The following KCND3 variants were observed in gnomAD, a reference collection of about 807,000 sequenced individuals.
KCND3 encodes the protein potassium voltage-gated channel subfamily D member 3.
In KCND3, 9 loss-of-function variants were observed where a neutral mutation model predicts 51.1. That is an observed-to-expected ratio of 0.18 (90% CI 0.11 to 0.31). The LOEUF (loss-of-function observed/expected upper bound fraction) is 0.31, where lower values mean the gene tolerates loss of function less well. Ranked by LOEUF, KCND3 falls within the 10% of genes least tolerant of loss-of-function variation. The probability of loss-of-function intolerance (pLI) is 1.00; values close to 1 mark genes in which losing one functional copy is unlikely to be tolerated. For missense variants in KCND3, 526 were observed against 903.8 expected (o/e 0.58, Z 5.36); for synonymous variants, 349 against 368.0 (o/e 0.95, Z 0.59).
Position 111,808,503 on chromosome 1 carries a change from G to A in KCND3, c.1107-21397C>T, listed in dbSNP as rs372657395. On this transcript the variant is annotated intron_variant, in intron 2 of 7. Transcript: ENST00000302127. ...GCTTGCTTATGAGAGGTATTGCTCC[G>A]AGGAAAAGGAGTTAGTTGAATTCCA... Among the ~76,000 whole-genome samples the A allele has an allele frequency of 3.1e-4, 47 of 152,332 alleles. No homozygotes were observed. The South Asian group carries it at 9.1e-3, about 30-fold the overall frequency.
At chr1:111,794,066 T>C (rs1010081544) in intron 2 of KCND3, among the ~76,000 whole-genome samples, 1 of 152,024 alleles carries the variant, frequency 6.6e-6, no homozygotes, top group Non-Finnish European at 1.5e-5. Context: ...GCTGTCGCCC[T>C]GAGCAGGTGG....
In KCND3 at chr1:111,972,314, A is replaced by C. The variant is rs1425703633; in HGVS notation, c.1106+9307T>G. On this transcript the variant is annotated intron_variant, in intron 2 of 7. Coordinates refer to ENST00000302127, the MANE Select transcript of KCND3 (RefSeq NM_001378969.1). ...CAGCCTCCCAAGTAGCTGGGACTAC[A>C]GGCGCCCGCCACTACGCCCGGCTAA... Among the ~76,000 whole-genome samples, 52 of 150,124 alleles carry C rather than the reference A, an allele frequency of 3.5e-4. 1 individual carries two copies. Among genetic ancestry groups the C allele is most frequent in the African/African-American group, 1.2e-3 (51 of 40,944 alleles).
At chr1:111,868,079 T>C (rs1301191055) in intron 2 of KCND3, among the ~76,000 whole-genome samples, 3 of 152,208 alleles carry the variant, frequency 2.0e-5, no homozygotes, top group African/African-American at 7.2e-5. Context: ...GTGGTTGCTA[T>C]TACAGTAGTC....
At position 111,861,348 on chromosome 1, in the gene KCND3, A is replaced by G. The variant is rs903342898; in HGVS notation, c.1107-74242T>C. On this transcript the variant is annotated intron_variant, in intron 2 of 7. Coordinates refer to ENST00000302127, the MANE Select transcript of KCND3 (RefSeq NM_001378969.1). ...ATGTGCTCTAACTTCAGGCTGAGAG[A>G]TTGAGGCACATAGAGGTACTTTATG... 5.9e-5 allele frequency among the ~76,000 whole-genome samples: 9 copies of G among 152,004 alleles called. No individual in the cohort carries two copies. The South Asian group carries it at 1.7e-3, about 28-fold the overall frequency.
At chr1:111,846,626 A>G (rs1000020708) in intron 2 of KCND3, among the ~76,000 whole-genome samples, 5 of 152,186 alleles carry the variant, frequency 3.3e-5, no homozygotes, top group African/African-American at 1.2e-4. Context: ...TAAGGTTCTC[A>G]CGAGGATTAT....
intron 2 of KCND3, among the ~76,000 whole-genome samples, chr1:111,971,730 GCT>G (rs1674340325): frequency 6.6e-6 from 1 of 152,094 alleles, no homozygotes; most frequent in Non-Finnish European, 1.5e-5. Flanking sequence ...AAGCTCACTG[GCT>G]CTGTCTTCCC....
chr1:111,809,963 C>A (rs190543132), intron 2 of KCND3, among the ~76,000 whole-genome samples: 111 of 152,314 alleles, frequency 7.3e-4, no homozygotes, highest in Non-Finnish European at 1.3e-3. Context: ...TCCTAGCCCC[C>A]TCCTGGGCTC....
intron 2 of KCND3, among the ~76,000 whole-genome samples, chr1:111,812,594 T>C (rs1665905404): frequency 6.6e-6 from 1 of 152,246 alleles, no homozygotes; most frequent in Non-Finnish European, 1.5e-5. Context: ...ATTTTTAATC[T>C]GTACGAGGGC....
chr1:111,817,898 GTAAT>G (rs1259561666), intron 2 of KCND3, among the ~76,000 whole-genome samples: 1 of 152,224 alleles, frequency 6.6e-6, no homozygotes, highest in Non-Finnish European at 1.5e-5. Flanking sequence ...ATAAGAAGCT[GTAAT>G]TAGTTTGCCT....
At chr1:111,986,043 T>A (rs1204635576) in intron 1 of KCND3, among the ~76,000 whole-genome samples, 1 of 152,228 alleles carries the variant, frequency 6.6e-6, no homozygotes, top group African/African-American at 2.4e-5. Context: ...AGAAGAAATT[T>A]ACCCTTCTAA....
chr1:111,866,823 C>G (rs1289967408), intron 2 of KCND3, among the ~76,000 whole-genome samples: 1 of 152,146 alleles, frequency 6.6e-6, no homozygotes, highest in East Asian at 1.9e-4. Context: ...TGACTTTCCT[C>G]TTTGATTTCT....
At chr1:111,820,525 A>T (rs114773431) in intron 2 of KCND3, among the ~76,000 whole-genome samples, 1,578 of 152,292 alleles carry the variant, frequency 0.01, 22 homozygotes, top group African/African-American at 0.035. Flanking sequence ...TCCATTTTAC[A>T]GTGGAGTGCA....
intron 2 of KCND3, chr1:111,856,703 T>C (rs1668089386): frequency 6.6e-6 from 1 of 152,354 alleles, no homozygotes; most frequent in Non-Finnish European, 1.5e-5. Flanking sequence ...AGAGCTTACT[T>C]ATGAGCACTG....
intron 2 of KCND3, among the ~76,000 whole-genome samples, chr1:111,929,688 T>A (rs547811492): frequency 6.6e-6 from 1 of 152,308 alleles, no homozygotes; most frequent in South Asian, 2.1e-4. Flanking sequence ...GCCTCTCCCA[T>A]CCTGCTTGTG....
At chr1:111,782,652 A>G (rs903258870) in intron 3 of KCND3, among the ~76,000 whole-genome samples, 3 of 152,164 alleles carry the variant, frequency 2.0e-5, no homozygotes, top group African/African-American at 7.2e-5. Context: ...AGCTTATTAT[A>G]GTCTTATATA....
intron 2 of KCND3, among the ~76,000 whole-genome samples, chr1:111,831,506 G>A (rs1346157468): frequency 1.3e-5 from 2 of 152,166 alleles, no homozygotes; most frequent in Admixed American, 1.3e-4. Flanking sequence ...TCCCTGGACA[G>A]CCTGCAGAAC....
chr1:111,816,530 A>G (rs1310910499), intron 2 of KCND3, among the ~76,000 whole-genome samples: 2 of 152,230 alleles, frequency 1.3e-5, no homozygotes, highest in African/African-American at 4.8e-5. Flanking sequence ...TGGCTGTCCA[A>G]TGAGTCTTCA....
In KCND3 at chr1:111,771,708, C is replaced by G. The variant is rs922420330; in HGVS notation, c.*4369G>C. 1 of 152,210 alleles carries G rather than the reference C, an allele frequency of 6.6e-6. No individual in the cohort carries two copies. Among genetic ancestry groups the G allele is most frequent in the African/African-American group, 2.4e-5 (1 of 41,454 alleles). 9.4% of individuals were successfully genotyped at this position (152,210 alleles called of 1,614,324 possible). On this transcript the variant is annotated 3_prime_UTR_variant, in exon 8 of 8. Coordinates refer to ENST00000302127, the MANE Select transcript of KCND3 (RefSeq NM_001378969.1). ...CTGGATAAAATCATCAGCATATCCA[C>G]AAGTTGACATTTTTGTTAATTATAG...
intron 2 of KCND3, among the ~76,000 whole-genome samples, chr1:111,805,606 A>G (rs1162332540): frequency 1.3e-5 from 2 of 152,266 alleles, no homozygotes; most frequent in African/African-American, 4.8e-5. Context: ...AACCTCTTTT[A>G]AAGAGCATGG....
Sources: allele counts gnomAD v4.1 joint callset (sites outside exome capture counted in the v4.1 genomes callset), GRCh38; gene constraint gnomAD v4.1.1; transcripts MANE v1.5; gene names NCBI Gene and HGNC (gene_info 2026-07-23, HGNC 2026-07-21).